Variants in PTAFR observed in about 807,000 individuals in gnomAD.
PTAFR encodes platelet-activating factor receptor.
PTAFR carries 8 observed loss-of-function variants against 14.7 expected under a neutral mutation model. The observed-to-expected ratio is 0.54, with a 90% confidence interval of 0.32 to 0.98. The LOEUF (loss-of-function observed/expected upper bound fraction) is 0.98, where lower values mean the gene tolerates loss of function less well. Among genes scored for constraint, PTAFR ranks in the 50% least tolerant of loss-of-function variants. The pLI is 0.04. For missense variants in PTAFR, 337 were observed against 451.2 expected (o/e 0.75, Z 2.29); for synonymous variants, 156 against 176.5 (o/e 0.88, Z 0.92).
chr1:28,151,681 A>G (rs1646190495), intron 1 of PTAFR, among the ~76,000 whole-genome samples: 1 of 152,146 alleles, frequency 6.6e-6, no homozygotes, highest in East Asian at 1.9e-4. Context: ...AAAAATAATA[A>G]TTCTTTAAAA....
At chr1:28,187,938 G>A (rs1215277201) in intron 1 of PTAFR, among the ~76,000 whole-genome samples, 1 of 152,180 alleles carries the variant, frequency 6.6e-6, no homozygotes. Context: ...CAGCACTTTG[G>A]GAGGCTGAGG....
chr1:28,154,108 GGAGT>G (rs1646233428), intron 1 of PTAFR, among the ~76,000 whole-genome samples: 1 of 147,820 alleles, frequency 6.8e-6, no homozygotes, highest in Non-Finnish European at 1.5e-5. Context: ...AAAAAAAAAG[GGAGT>G]GAGACACAAG....
chr1:28,156,702 G>C (rs1311621446), intron 1 of PTAFR, among the ~76,000 whole-genome samples: 2 of 152,216 alleles, frequency 1.3e-5, no homozygotes, highest in Non-Finnish European at 2.9e-5. Flanking sequence ...CCTGAGACCA[G>C]AAGACTTGAA....
At chr1:28,186,318 C>T (rs1303033036) in intron 1 of PTAFR, among the ~76,000 whole-genome samples, 1 of 150,590 alleles carries the variant, frequency 6.6e-6, no homozygotes, top group African/African-American at 2.5e-5. Flanking sequence ...AAGGAAATTA[C>T]AAAAGTTATT....
intron 1 of PTAFR, among the ~76,000 whole-genome samples, chr1:28,160,287 A>G (rs1264336264): frequency 6.6e-6 from 1 of 151,964 alleles, no homozygotes; most frequent in Non-Finnish European, 1.5e-5. Flanking sequence ...TGGTATTAAA[A>G]AAATGTTTAT....
chr1:28,169,091 T>G (rs1460880528), intron 1 of PTAFR, among the ~76,000 whole-genome samples: 2 of 152,186 alleles, frequency 1.3e-5, no homozygotes, highest in Non-Finnish European at 2.9e-5. Flanking sequence ...CTATACACTT[T>G]AAAAATGTTA....
intron 1 of PTAFR, among the ~76,000 whole-genome samples, chr1:28,151,985 T>G (rs1274858503): frequency 6.6e-6 from 1 of 152,104 alleles, no homozygotes; most frequent in Non-Finnish European, 1.5e-5. Context: ...CTCAACCTCT[T>G]GGGCTCAAGC....
intron 1 of PTAFR, among the ~76,000 whole-genome samples, chr1:28,168,006 T>G (rs1646407887): frequency 7.7e-6 from 1 of 129,432 alleles, no homozygotes; most frequent in African/African-American, 3.0e-5. Flanking sequence ...TAGCGCAGGC[T>G]GGAGTGCAGT....
rs116127663 is a variant in PTAFR, at chr1:28,182,408, G to C, written c.-39+11314C>G. ...AAATTGAGCATTGCCAGGCATGGTG[G>C]CTTATACCTATAATCCCAGCACTTT... On this transcript the variant is annotated intron_variant, in intron 1 of 1. Coordinates refer to the PTAFR transcript ENST00000305392. Among the ~76,000 whole-genome samples, 366 of 151,738 alleles carry C rather than the reference G, an allele frequency of 2.4e-3. 1 individual carries two copies. The highest frequency in any genetic ancestry group is 8.5e-3 in the African/African-American group (354 of 41,416).
At chr1:28,169,072 A>C (rs1646424259) in intron 1 of PTAFR, among the ~76,000 whole-genome samples, 1 of 152,214 alleles carries the variant, frequency 6.6e-6, no homozygotes, top group Non-Finnish European at 1.5e-5. Context: ...TATAGGTAGC[A>C]TGACTGAACT....
In PTAFR at chr1:28,168,754, C is replaced by T. The variant is rs370977857; in HGVS notation, c.-39+7838G>A. ...CATGATATTGGTTCACCACAACCTCCGCCTCCTGGGTTCAAGCGATTCTCC... is the reference window on the plus strand; with the variant it reads ...CATGATATTGGTTCACCACAACCTCTGCCTCCTGGGTTCAAGCGATTCTCC... On this transcript the variant is annotated intron_variant, in intron 1 of 1. Transcript: ENST00000373857. 7.2e-5 allele frequency among the ~76,000 whole-genome samples: 11 copies of T among 152,184 alleles called. No individual in the cohort carries two copies. The East Asian group carries it at 1.7e-3, about 24-fold the overall frequency.
rs149239914 is a variant in PTAFR, at chr1:28,150,319, A to C, written c.703T>G (p.Cys235Gly). 2.5e-6 allele frequency: 4 copies of C among 1,613,756 alleles called. No individual in the cohort carries two copies. The highest frequency in any genetic ancestry group is 3.4e-6 in the Non-Finnish European group (4 of 1,179,828). Reference protein sequence around the residue: ...EVKRRALWMVCTVLAVFIICF... With the variant: ...EVKRRALWMVGTVLAVFIICF... ...ATGATGAACACCGCCAAGACCGTGC[A>C]CACCATCCACAGCGCCCGGCGCTTG... The change falls in exon 2 of 2, where the codon TGC becomes GGC. Residue 235 changes from cysteine to glycine, a missense_variant. Cys to Gly is a radical substitution (Grantham distance 159, BLOSUM62 -3). Coordinates refer to ENST00000373857, the MANE Select transcript of PTAFR (RefSeq NM_000952.5). The surrounding 1 kb of genome is among the most constrained non-coding windows in gnomAD (Gnocchi z 6.3).
chr1:28,150,171 G>C lies in PTAFR; in HGVS notation c.851C>G (p.Thr284Ser). ...AHQVTLCLLS[T>S]NCVLDPVIYC... ...GATAACAGGGTCTAAGACACAGTTG[G>C]TGCTAAGGAGGCAGAGGGTGACCTG... Residue 284 changes from threonine to serine, a missense_variant, in exon 2 of 2, where the codon ACC becomes AGC. Physicochemically the swap from Thr to Ser is moderately conservative, Grantham distance 58. Coordinates refer to ENST00000373857, the MANE Select transcript of PTAFR (RefSeq NM_000952.5). The surrounding 1 kb of genome is among the most constrained non-coding windows in gnomAD (Gnocchi z 6.3). 6.2e-7 allele frequency: 1 copy of C among 1,614,210 alleles called. No homozygotes were observed. The highest frequency in any genetic ancestry group is 8.5e-7 in the Non-Finnish European group (1 of 1,180,020).
At chr1:28,164,408 C>T (rs1268831683) in intron 1 of PTAFR, among the ~76,000 whole-genome samples, 4 of 152,152 alleles carry the variant, frequency 2.6e-5, no homozygotes, top group East Asian at 3.9e-4. Flanking sequence ...GTGGTGAAGG[C>T]GGGGGAACAC....
intron 1 of PTAFR, among the ~76,000 whole-genome samples, chr1:28,162,621 T>A (rs1646336433): frequency 1.3e-5 from 2 of 151,548 alleles, no homozygotes; most frequent in Non-Finnish European, 1.5e-5. Context: ...AGGTCAGGAG[T>A]TCGAGACCAG....
At chr1:28,158,428 G>A (rs910468207) in intron 1 of PTAFR, among the ~76,000 whole-genome samples, 2 of 152,178 alleles carry the variant, frequency 1.3e-5, no homozygotes, top group Admixed American at 6.5e-5. Flanking sequence ...GGCCAGGCGC[G>A]GTGGCTCACG....
chr1:28,166,451 C>T (rs1453284459), intron 1 of PTAFR, among the ~76,000 whole-genome samples: 2 of 152,130 alleles, frequency 1.3e-5, no homozygotes, highest in Non-Finnish European at 2.9e-5. Context: ...GTGGGCAGAT[C>T]ACCTGAGGTC....
upstream of PTAFR, among the ~76,000 whole-genome samples, chr1:28,179,529 G>C (rs146618731): frequency 4.3e-3 from 648 of 152,254 alleles, 7 homozygotes; most frequent in African/African-American, 0.015. Context: ...AATATGTCCA[G>C]ATTTGGCCGG....
intron 1 of PTAFR, among the ~76,000 whole-genome samples, chr1:28,188,439 CTG>C (rs1272943399): frequency 6.6e-6 from 1 of 151,862 alleles, no homozygotes. Flanking sequence ...GAGGGGGACT[CTG>C]TCTCAAAAAA....
Sources: gnomAD v4.1 joint callset for allele counts (sites outside exome capture counted in the v4.1 genomes callset) on GRCh38, gnomAD v4.1.1 for gene constraint, Gnocchi (gnomAD v3.1) non-coding constraint, MANE v1.5 for transcripts, NCBI Gene and HGNC (gene_info 2026-07-23, HGNC 2026-07-21) for gene names.